BORCS7: variants seen among roughly 807,000 people sequenced by gnomAD.
BORCS7 encodes the protein BLOC-1-related complex subunit 7.
A neutral mutation model predicts 17.5 loss-of-function variants in BORCS7; 20 were observed. The observed-to-expected ratio is 1.14, with a 90% CI of 0.80 to 1.66. BORCS7 has a LOEUF of 1.66. Ranked by LOEUF, BORCS7 falls within the 40% of genes most tolerant of loss-of-function variation. BORCS7 has a pLI of 0.00. For missense variants in BORCS7, 122 were observed against 129.7 expected (o/e 0.94, Z 0.29); for synonymous variants, 57 against 49.8 (o/e 1.14, Z -0.61).
At chr10:102,855,496 G>C (rs1248730292) in intron 1 of BORCS7, among the ~76,000 whole-genome samples, 1 of 152,036 alleles carries the variant, frequency 6.6e-6, no homozygotes, top group South Asian at 2.1e-4. Flanking sequence ...TATTTTGTTT[G>C]ATTAGCTGAG....
chr10:102,860,655 G>A (rs937099245), intron 3 of BORCS7, 114 bp downstream of exon 3: 1 of 1,158,630 alleles, frequency 8.6e-7, no homozygotes, highest in African/African-American at 1.5e-5. Context: ...AGTAAAGGTG[G>A]GGGTGGCCAA....
chr10:102,856,887 C>T (rs1200470686), intron 1 of BORCS7, among the ~76,000 whole-genome samples: 3 of 152,192 alleles, frequency 2.0e-5, no homozygotes, highest in Non-Finnish European at 2.9e-5. Context: ...TCTCACAAAT[C>T]CTTTGTTTCT....
intron 2 of BORCS7, 28 bp downstream of exon 2, chr10:102,860,422 T>C: frequency 6.2e-7 from 1 of 1,612,052 alleles, no homozygotes; most frequent in East Asian, 2.2e-5. Flanking sequence ...TTTTTAATGA[T>C]TTGGGTTTAT....
rs758625979 is a variant in BORCS7 at position 102,854,320 on chromosome 10, C to T, written c.34C>T (p.Arg12Trp). 1.9e-6 allele frequency: 3 copies of T among 1,603,130 alleles called. No individual in the cohort carries two copies. The highest frequency in any genetic ancestry group is 1.1e-5 in the South Asian group (1 of 88,840). ...MATGTPESQARFGQSVKGLLT... is the reference protein window; with the variant it reads ...MATGTPESQAWFGQSVKGLLT... ...GACTGGAACGCCAGAGTCTCAAGCG[C>T]GGTTCGGTCAGTCCGTGAAGGGGCT... Residue 12 changes from arginine to tryptophan, a missense_variant, in exon 1 of 5, where the codon CGG becomes TGG. Coordinates refer to ENST00000339834, the MANE Select transcript of BORCS7 (RefSeq NM_001136200.2).
intron 1 of BORCS7, among the ~76,000 whole-genome samples, chr10:102,857,319 C>T (rs1844443146): frequency 6.6e-6 from 1 of 152,158 alleles, no homozygotes; most frequent in Non-Finnish European, 1.5e-5. Flanking sequence ...AAACACTCAA[C>T]AAATGTTTAT....
At chr10:102,859,098 C>T (rs1393299189) in intron 1 of BORCS7, among the ~76,000 whole-genome samples, 2 of 151,714 alleles carry the variant, frequency 1.3e-5, no homozygotes, top group Non-Finnish European at 2.9e-5. Flanking sequence ...CCATTAAACT[C>T]AGTAACCTCA....
chr10:102,855,280 T>G (rs781354562), intron 1 of BORCS7, among the ~76,000 whole-genome samples: 3 of 150,796 alleles, frequency 2.0e-5, no homozygotes, highest in Non-Finnish European at 2.9e-5. Flanking sequence ...CGCCTCAGCC[T>G]CCTGAGTAGC....
In BORCS7 at chr10:102,858,164, C is replaced by CAAAAA. The variant is rs778132309; in HGVS notation, c.142-2159_142-2155dup. Among the ~76,000 whole-genome samples the CAAAAA allele has an allele frequency of 6.0e-3, 673 of 111,264 alleles. 4 individuals are homozygous for CAAAAA. The highest frequency in any genetic ancestry group is 0.022 in the South Asian group (75 of 3,348). 73.0% of individuals were successfully genotyped at this position (111,264 alleles called of 152,430 possible). On this transcript the variant is annotated intron_variant, in intron 1 of 4. Transcript: ENST00000339834. ...TGGGTGACAGAGTGAGACCATGTCT[C>CAAAAA]AAAAAAAAAAAAATATATATATATA...
At chr10:102,854,492 G>A in intron 1 of BORCS7, 65 bp downstream of exon 1, 8 of 1,488,656 alleles carry the variant, frequency 5.4e-6, no homozygotes, top group Non-Finnish European at 7.2e-6. Context: ...GTTGCTGTGG[G>A]AAGGAGGTCG....
intron 3 of BORCS7, chr10:102,860,817 C>A: frequency 1.8e-6 from 1 of 554,452 alleles, no homozygotes; most frequent in Non-Finnish European, 3.2e-6. Context: ...AAAGGCAGGG[C>A]CCGTGCCAGG....
In BORCS7 at chr10:102,863,109, G is replaced by C. The variant is rs1844545919; in HGVS notation, c.*185G>C. The C allele has an allele frequency of 2.0e-6, 1 of 503,788 alleles. No individual in the cohort carries two copies. The highest frequency in any genetic ancestry group is 2.3e-5 in the South Asian group (1 of 43,390). 31.2% of individuals were successfully genotyped at this position (503,788 alleles called of 1,614,324 possible). On this transcript the variant is annotated 3_prime_UTR_variant, in exon 5 of 5. Coordinates refer to ENST00000339834, the MANE Select transcript of BORCS7 (RefSeq NM_001136200.2). ...CCAGCACTTTGGGAGGCCGAGGCGGGTGGATCACGAGGTCAGGAGTTCGAG... is the reference window on the plus strand; with the variant it reads ...CCAGCACTTTGGGAGGCCGAGGCGGCTGGATCACGAGGTCAGGAGTTCGAG...
In BORCS7 at chr10:102,860,362, C is replaced by T; in HGVS notation, c.172C>T (p.Leu58Phe). 2 of 1,613,852 alleles carry T rather than the reference C, an allele frequency of 1.2e-6. No homozygotes were observed. Among genetic ancestry groups the T allele is most frequent in the African/African-American group, 1.3e-5 (1 of 74,926 alleles). Reference protein sequence around the residue: ...LLGQAARNMVLQEDAILHSED... With the variant: ...LLGQAARNMVFQEDAILHSED... ...AGGTCAGGCAGCTCGAAACATGGTA[C>T]TCCAGGAAGATGCCATCTTGCACTC... Residue 58 changes from leucine to phenylalanine, a missense_variant, in exon 2 of 5, where the codon CTC becomes TTC. Coordinates refer to ENST00000339834, the MANE Select transcript of BORCS7 (RefSeq NM_001136200.2).
At position 102,863,044 on chromosome 10, in the gene BORCS7, T is replaced by C. The variant is rs1844544601; in HGVS notation, c.*120T>C. On this transcript the variant is annotated 3_prime_UTR_variant, in exon 5 of 5. Coordinates refer to ENST00000339834, the MANE Select transcript of BORCS7 (RefSeq NM_001136200.2). The stretch of plus-strand genomic sequence containing the variant: ...TCTCCAAAAGTTAAGTTAGAAAAGT[T>C]CTGTGTTAGGGCCGGGCGCGGTAGC... 1 of 999,332 alleles carries C rather than the reference T, an allele frequency of 1.0e-6. No individual in the cohort carries two copies. Among genetic ancestry groups the C allele is most frequent in the Non-Finnish European group, 1.6e-6 (1 of 641,122 alleles). The allele number at this position is 999,332 out of a possible 1,614,324, so 61.9% of individuals were successfully genotyped here.
At chr10:102,856,946 A>G (rs1197071903) in intron 1 of BORCS7, among the ~76,000 whole-genome samples, 3 of 152,136 alleles carry the variant, frequency 2.0e-5, no homozygotes, top group African/African-American at 7.2e-5. Context: ...TTCCTTGCTT[A>G]GAGTACTGCT....
rs927095278 is a variant in BORCS7 at position 102,864,280 on chromosome 10, C to T, written c.*1356C>T. On this transcript the variant is annotated 3_prime_UTR_variant, in exon 5 of 5. Coordinates refer to ENST00000339834, the MANE Select transcript of BORCS7 (RefSeq NM_001136200.2). ...GCATTATCAGATTACGTTTATTTCT[C>T]ATACATATGGATATTAACTTAAGGT... The T allele has an allele frequency of 3.3e-5, 5 of 152,148 alleles. No individual in the cohort carries two copies. Among genetic ancestry groups the T allele is most frequent in the African/African-American group, 1.2e-4 (5 of 41,422 alleles). The allele number at this position is 152,148 out of a possible 1,614,324, so 9.4% of individuals were successfully genotyped here.
At chr10:102,862,260 A>G (rs1391533744) in intron 4 of BORCS7, 80 bp downstream of exon 4, 11 of 1,389,520 alleles carry the variant, frequency 7.9e-6, no homozygotes, top group African/African-American at 2.9e-5. Flanking sequence ...TCCAGAATCA[A>G]TACAAAACCC....
At chr10:102,862,762 G>T in intron 4 of BORCS7, 111 bp from the exon 5 acceptor site, 1 of 865,232 alleles carries the variant, frequency 1.2e-6, no homozygotes, top group South Asian at 1.5e-5. Context: ...GCCTTGTGCA[G>T]CATAGTGAGA....
rs1336658825 is a variant in BORCS7, at chr10:102,862,874, G to A, written c.271G>A (p.Val91Ile). The change falls in exon 5 of 5, where the codon GTT (valine) becomes ATT (isoleucine). Residue 91 changes from valine (V) to isoleucine (I), a missense_variant and splice_region_variant. Physicochemically the swap from Val to Ile is conservative, Grantham distance 29 (BLOSUM62 3). Transcript: ENST00000339834. ...CCCTGTCTCTATTCTAATTCCTAGT[G>A]TTGAACAGTCATCGGATCTACAGGA... The part of the protein sequence containing the change: ...QYQQEAIQKN[V>I]EQSSDLQDQL... The A allele has an allele frequency of 6.2e-7, 1 of 1,604,920 alleles. No homozygotes were observed. The highest frequency in any genetic ancestry group is 8.5e-7 in the Non-Finnish European group (1 of 1,171,678).
At position 102,860,348 on chromosome 10, in the gene BORCS7, C is replaced by T. The variant is rs1844495905; in HGVS notation, c.158C>T (p.Ala53Val). The change falls in exon 2 of 5, where the codon GCT becomes GTT. Residue 53 changes from alanine (A) to valine (V), a missense_variant. Physicochemically the swap from Ala to Val is moderately conservative, Grantham distance 64. Transcript: ENST00000339834. ...GTCTTCCAGCTGCTAGGTCAGGCAG[C>T]TCGAAACATGGTACTCCAGGAAGAT... The part of the protein sequence containing the change: ...SRSSELLGQA[A>V]RNMVLQEDAI... The T allele has an allele frequency of 6.2e-7, 1 of 1,613,844 alleles. No individual in the cohort carries two copies. Among genetic ancestry groups the T allele is most frequent in the South Asian group, 1.1e-5 (1 of 91,076 alleles).
Sources: allele counts gnomAD v4.1 joint callset (sites outside exome capture counted in the v4.1 genomes callset), GRCh38; gene constraint gnomAD v4.1.1; transcripts MANE v1.5; gene names NCBI Gene and HGNC (gene_info 2026-07-23, HGNC 2026-07-21).